The following LRRC4C variants were observed in gnomAD, a reference collection of about 807,000 sequenced individuals.
The protein encoded by LRRC4C is leucine rich repeat containing 4C.
A neutral mutation model predicts 33.6 loss-of-function variants in LRRC4C; 5 were observed. The observed-to-expected ratio is 0.15, with a 90% CI of 0.08 to 0.31. The LOEUF (loss-of-function observed/expected upper bound fraction) is 0.31, where lower values mean the gene tolerates loss of function less well. LRRC4C is among the 10% of genes least tolerant of loss of function. LRRC4C has a pLI of 1.00. For missense variants in LRRC4C, 560 were observed against 796.7 expected, an observed-to-expected ratio of 0.70 and a Z score of 3.58; for synonymous variants, 329 against 302.0, an observed-to-expected ratio of 1.09 and a Z score of -0.93.
intron 4 of LRRC4C, among the ~76,000 whole-genome samples, chr11:40,268,279 C>T (rs1942434053): frequency 6.6e-6 from 1 of 152,064 alleles, no homozygotes; most frequent in Admixed American, 6.6e-5. Context: ...AAACTACTAC[C>T]ATTAAATATT....
chr11:40,137,035 G>A (rs1351005779), intron 6 of LRRC4C, among the ~76,000 whole-genome samples: 2 of 152,110 alleles, frequency 1.3e-5, no homozygotes, highest in African/African-American at 4.8e-5. Flanking sequence ...GCAAGTATAA[G>A]CATATAACAA....
rs1951310068 is a variant in LRRC4C at position 41,331,999 on chromosome 11, C to T, written c.-496+127432G>A. On this transcript the variant is annotated intron_variant, in intron 1 of 6. Transcript: ENST00000528697. ...TTATTATTGTTCAAAGTACATATTA[C>T]TTCTTAACCTTATATGTATTTGTTT... 2.0e-5 allele frequency among the ~76,000 whole-genome samples: 3 copies of T among 152,274 alleles called. No individual in the cohort carries two copies. In the East Asian group the frequency reaches 5.8e-4, roughly 29 times the overall value.
intron 1 of LRRC4C, among the ~76,000 whole-genome samples, chr11:41,212,889 C>T (rs986598486): frequency 6.6e-6 from 1 of 152,106 alleles, no homozygotes; most frequent in Non-Finnish European, 1.5e-5. Flanking sequence ...TTCCATGTAC[C>T]TAACACATTG....
At chr11:40,704,293 G>A (rs1008170818) in intron 2 of LRRC4C, among the ~76,000 whole-genome samples, 2 of 152,092 alleles carry the variant, frequency 1.3e-5, no homozygotes, top group Non-Finnish European at 2.9e-5. Context: ...CCAATCACCT[G>A]TGGATTCTGA....
intron 3 of LRRC4C, among the ~76,000 whole-genome samples, chr11:40,497,611 T>C (rs1007573066): frequency 2.0e-5 from 3 of 152,166 alleles, no homozygotes. Flanking sequence ...TACACCTTCA[T>C]CACAAACTTT....
At chr11:40,599,617 T>G (rs1279333939) in intron 3 of LRRC4C, among the ~76,000 whole-genome samples, 3 of 152,170 alleles carry the variant, frequency 2.0e-5, no homozygotes, top group African/African-American at 7.2e-5. Flanking sequence ...CTAGAATGAA[T>G]GCTGGATGAG....
chr11:40,944,293 C>T (rs989077315), intron 1 of LRRC4C, among the ~76,000 whole-genome samples: 4 of 151,918 alleles, frequency 2.6e-5, no homozygotes, highest in Non-Finnish European at 5.9e-5. Flanking sequence ...CTTGAGGATA[C>T]GATATTTTAT....
intron 1 of LRRC4C, among the ~76,000 whole-genome samples, chr11:41,271,362 AC>A (rs1457793801): frequency 6.6e-6 from 1 of 152,106 alleles, no homozygotes; most frequent in Non-Finnish European, 1.5e-5. Flanking sequence ...CCTAACCTCG[AC>A]ATTTTCCTCC....
At chr11:40,348,628 A>G (rs1252436408) in intron 3 of LRRC4C, among the ~76,000 whole-genome samples, 1 of 152,156 alleles carries the variant, frequency 6.6e-6, no homozygotes, top group Non-Finnish European at 1.5e-5. Context: ...AGCATCTTAG[A>G]CAACAGCTAA....
intron 1 of LRRC4C, chr11:41,426,515 TG>T (rs1398427575): frequency 1.3e-5 from 2 of 152,190 alleles, no homozygotes; most frequent in Non-Finnish European, 2.9e-5. Context: ...GTGTTTTGGT[TG>T]CTTGTACAGC....
At chr11:40,324,620 A>G (rs1946008266) in intron 3 of LRRC4C, among the ~76,000 whole-genome samples, 1 of 152,234 alleles carries the variant, frequency 6.6e-6, no homozygotes, top group Non-Finnish European at 1.5e-5. Flanking sequence ...CAGGCTAGGC[A>G]AGGTCCTGGC....
Position 41,397,102 on chromosome 11 carries a change from C to G in LRRC4C, c.-496+62329G>C, listed in dbSNP as rs570186868. 1.6e-4 allele frequency among the ~76,000 whole-genome samples: 24 copies of G among 152,086 alleles called. No homozygotes were observed. In the Middle Eastern group the frequency reaches 0.01, roughly 65 times the overall value. Reference sequence around the variant, plus strand: ...AATAGTGAGGTCAGATGCAAACCCACGCTGTCTCATTCCAGAATCCAGAAT... The same window carrying G: ...AATAGTGAGGTCAGATGCAAACCCAGGCTGTCTCATTCCAGAATCCAGAAT... On this transcript the variant is annotated intron_variant, in intron 1 of 6. Transcript: ENST00000528697.
intron 2 of LRRC4C, among the ~76,000 whole-genome samples, chr11:40,814,059 C>T (rs917742260): frequency 5.9e-5 from 9 of 152,100 alleles, no homozygotes; most frequent in Admixed American, 2.6e-4. Flanking sequence ...GTCAGTGGCC[C>T]TCTTCTCACG....
intron 2 of LRRC4C, among the ~76,000 whole-genome samples, chr11:40,795,583 C>T (rs961689276): frequency 2.0e-5 from 3 of 151,718 alleles, no homozygotes; most frequent in Admixed American, 6.6e-5. Context: ...AAAATAGAAA[C>T]GGTAATTATG....
At chr11:40,754,448 GGC>G (rs1948843062) in intron 2 of LRRC4C, among the ~76,000 whole-genome samples, 1 of 152,030 alleles carries the variant, frequency 6.6e-6, no homozygotes, top group Admixed American at 6.6e-5. Context: ...GAACTATTTA[GGC>G]CCCTAAGCTG....
rs546631328 is a variant in LRRC4C, at chr11:40,530,059, C to T, written c.-270+118083G>A. On this transcript the variant is annotated intron_variant, in intron 3 of 6. Coordinates refer to ENST00000528697, the MANE Select transcript of LRRC4C (RefSeq NM_001258419.2). ...AAGTGTGCTTTCTGACATGCTGAAA[C>T]TACTGGTTTTTGGGAGAGCAATTCA... Among the ~76,000 whole-genome samples, 4 of 152,126 alleles carry T rather than the reference C, an allele frequency of 2.6e-5. No individual in the cohort carries two copies. The East Asian group carries it at 7.7e-4, about 29-fold the overall frequency.
intron 3 of LRRC4C, among the ~76,000 whole-genome samples, chr11:40,639,359 A>G (rs1941969319): frequency 6.6e-6 from 1 of 152,168 alleles, no homozygotes; most frequent in African/African-American, 2.4e-5. Context: ...CCCAACTCAG[A>G]CTTCAGTGAC....
At chr11:40,776,566 C>T (rs1478970475) in intron 2 of LRRC4C, among the ~76,000 whole-genome samples, 1 of 151,944 alleles carries the variant, frequency 6.6e-6, no homozygotes, top group African/African-American at 2.4e-5. Context: ...TATGTGGGAT[C>T]AGTTGGAATC....
In LRRC4C at chr11:41,377,862, T is replaced by C. The variant is rs75315172; in HGVS notation, c.-496+81569A>G. Among the ~76,000 whole-genome samples the C allele has an allele frequency of 6.0e-3, 917 of 152,288 alleles. 8 individuals carry two copies. The highest frequency in any genetic ancestry group is 0.02 in the African/African-American group (842 of 41,570). On this transcript the variant is annotated intron_variant, in intron 1 of 6. Transcript: ENST00000528697. The stretch of plus-strand genomic sequence containing the variant: ...GACTTTCCAGCAGCTTTCCAGCTTT[T>C]TCTCATTGGAGAGCACCGTACCAAT...
Sources: allele counts gnomAD v4.1 joint callset (sites outside exome capture counted in the v4.1 genomes callset), GRCh38; gene constraint gnomAD v4.1.1; transcripts MANE v1.5; gene names NCBI Gene and HGNC (gene_info 2026-07-23, HGNC 2026-07-21).